ADAMTS17: variants seen among roughly 807,000 people sequenced by gnomAD.
ADAMTS17 encodes ADAM metallopeptidase with thrombospondin type 1 motif 17.
In ADAMTS17, 113 loss-of-function variants were observed where a neutral mutation model predicts 141.5. The observed-to-expected ratio is 0.80, with a 90% CI of 0.69 to 0.93. ADAMTS17 has a LOEUF of 0.93. Ranked by LOEUF, ADAMTS17 falls within the 40% of genes least tolerant of loss-of-function variation. The pLI, the probability that ADAMTS17 is intolerant of heterozygous loss-of-function variation, is 0.00. For synonymous variants in ADAMTS17, 768 were observed against 630.6 expected, an observed-to-expected ratio of 1.22 and a Z score of -3.27; for missense variants, 1,659 against 1,517.9, an observed-to-expected ratio of 1.09 and a Z score of -1.54.
chr15:100,166,759 T>A (rs2039967086), intron 8 of ADAMTS17, among the ~76,000 whole-genome samples: 1 of 152,322 alleles, frequency 6.6e-6, no homozygotes, highest in South Asian at 2.1e-4. Flanking sequence ...TAGAAGGGAA[T>A]AACTTCATGA....
chr15:100,116,734 T>G, intron 13 of ADAMTS17, 113 bp downstream of exon 13: 1 of 1,435,332 alleles, frequency 7.0e-7, no homozygotes, highest in Non-Finnish European at 9.7e-7. Context: ...AGGACTGGAG[T>G]GTCTTGCTGG....
chr15:100,318,463 A>G (rs1167371876), intron 3 of ADAMTS17, among the ~76,000 whole-genome samples: 1 of 152,142 alleles, frequency 6.6e-6, no homozygotes, highest in Non-Finnish European at 1.5e-5. Flanking sequence ...CCAGAGAGCC[A>G]GCTAGCCCCT....
At chr15:100,171,734 A>G (rs1170947348) in intron 8 of ADAMTS17, among the ~76,000 whole-genome samples, 1 of 152,200 alleles carries the variant, frequency 6.6e-6, no homozygotes, top group African/African-American at 2.4e-5. Flanking sequence ...TCAATGGCCC[A>G]GAACCTCCCG....
chr15:100,133,176 G>T, intron 11 of ADAMTS17, 38 bp downstream of exon 11: 1 of 1,536,300 alleles, frequency 6.5e-7, no homozygotes. Flanking sequence ...GCAAGATGTG[G>T]AGCTGCCTGT....
At chr15:99,986,839 A>ACGATCAG (rs1181383501) in intron 20 of ADAMTS17, among the ~76,000 whole-genome samples, 2 of 152,168 alleles carry the variant, frequency 1.3e-5, no homozygotes, top group African/African-American at 4.8e-5. Context: ...GGTGAAAACA[A>ACGATCAG]CGATCAGCAT....
intron 15 of ADAMTS17, among the ~76,000 whole-genome samples, chr15:100,086,319 C>T (rs1057072556): frequency 5.3e-5 from 8 of 150,948 alleles, no homozygotes; most frequent in African/African-American, 7.4e-5. Context: ...TATATGCACC[C>T]AATACAGGAG....
rs78272681 is a variant in ADAMTS17 at position 100,218,786 on chromosome 15, A to T, written c.1076-19363T>A. On this transcript the variant is annotated intron_variant, in intron 7 of 21. Coordinates refer to ENST00000268070, the MANE Select transcript of ADAMTS17 (RefSeq NM_139057.4). ...AAAACTCAAACATGAATATTTATGG[A>T]AACATTGTTCACAATATCAAAAAAA... Among the ~76,000 whole-genome samples the T allele has an allele frequency of 1.6e-3, 250 of 151,998 alleles. 2 individuals are homozygous for T. In the East Asian group the frequency reaches 0.043, roughly 26 times the overall value.
chr15:100,152,853 T>C lies in ADAMTS17; in HGVS notation c.1323-91A>G, dbSNP rs1010980787. 191 of 1,507,110 alleles carry C rather than the reference T, an allele frequency of 1.3e-4. 1 individual carries two copies. The highest frequency in any genetic ancestry group is 1.6e-4 in the Non-Finnish European group (182 of 1,118,400). The allele number at this position is 1,507,110 out of a possible 1,614,324, so 93.4% of individuals were successfully genotyped here. ...TTTTTTTTTTTGAGTTTTCAGTCAC[T>C]GAGAAGAGGGCACCTCCACGTTCCT... On this transcript the variant is annotated intron_variant, in intron 9 of 21. Coordinates refer to ENST00000268070, the MANE Select transcript of ADAMTS17 (RefSeq NM_139057.4).
At chr15:100,070,858 C>G (rs1370108847) in intron 15 of ADAMTS17, among the ~76,000 whole-genome samples, 1 of 149,556 alleles carries the variant, frequency 6.7e-6, no homozygotes, top group Non-Finnish European at 1.5e-5. Flanking sequence ...CAAACACATT[C>G]AAAAGCTAGC....
At position 99,992,928 on chromosome 15, in the gene ADAMTS17, A is replaced by G; in HGVS notation, c.2949+120T>C. On this transcript the variant is annotated intron_variant, in intron 20 of 21. Coordinates refer to ENST00000268070, the MANE Select transcript of ADAMTS17 (RefSeq NM_139057.4). ...GTTGCAGCGGGTGGAAGGAAAATGA[A>G]TTTGCCTAGTTACGCTGGGACTGCC... 3.9e-6 allele frequency: 5 copies of G among 1,286,796 alleles called. No individual in the cohort carries two copies. In the South Asian group the frequency reaches 5.0e-5, roughly 13 times the overall value. 79.7% of individuals were successfully genotyped at this position (1,286,796 alleles called of 1,614,324 possible).
At chr15:100,154,987 C>A (rs556299262) in intron 9 of ADAMTS17, among the ~76,000 whole-genome samples, 193 bp downstream of exon 9, 3 of 152,226 alleles carry the variant, frequency 2.0e-5, no homozygotes, top group Non-Finnish European at 4.4e-5. Context: ...GTGCGCCCAT[C>A]GCTGGAGCAG....
intron 3 of ADAMTS17, among the ~76,000 whole-genome samples, chr15:100,294,759 A>G (rs2044752817): frequency 1.3e-5 from 2 of 152,228 alleles, no homozygotes; most frequent in South Asian, 4.1e-4. Context: ...ACATCTCAAC[A>G]TTCCAGGGGG....
chr15:100,072,910 A>T (rs2034083734), intron 15 of ADAMTS17, among the ~76,000 whole-genome samples: 1 of 152,214 alleles, frequency 6.6e-6, no homozygotes, highest in Non-Finnish European at 1.5e-5. Context: ...GACAAATGGG[A>T]CAAAATTGAC....
intron 14 of ADAMTS17, among the ~76,000 whole-genome samples, chr15:100,108,581 C>G (rs1243116087): frequency 6.6e-6 from 1 of 152,200 alleles, no homozygotes; most frequent in Admixed American, 6.5e-5. Flanking sequence ...TCCCTGACAG[C>G]TGGGCGCACC....
intron 18 of ADAMTS17, among the ~76,000 whole-genome samples, chr15:100,031,081 T>A (rs905392097): frequency 6.6e-6 from 1 of 152,230 alleles, no homozygotes; most frequent in Non-Finnish European, 1.5e-5. Flanking sequence ...CTATGACAGA[T>A]GTTCTCATTT....
At chr15:100,080,390 T>C (rs1350333127) in intron 15 of ADAMTS17, among the ~76,000 whole-genome samples, 1 of 150,866 alleles carries the variant, frequency 6.6e-6, no homozygotes, top group African/African-American at 2.5e-5. Flanking sequence ...ACAAAGGAGG[T>C]AAGGAAGAGT....
chr15:100,331,781 G>A (rs1049666774), intron 2 of ADAMTS17, among the ~76,000 whole-genome samples: 2 of 152,068 alleles, frequency 1.3e-5, no homozygotes, highest in African/African-American at 4.8e-5. Flanking sequence ...CAAAAGCCAT[G>A]ACACACTACA....
At chr15:100,152,566 C>T (rs1248501722) in intron 10 of ADAMTS17, 46 bp downstream of exon 10, 5 of 1,607,302 alleles carry the variant, frequency 3.1e-6, no homozygotes, top group Non-Finnish European at 3.4e-6. Context: ...TGTGGGAGGG[C>T]TGGATCCATG....
chr15:100,079,766 T>A (rs145707580), intron 15 of ADAMTS17, among the ~76,000 whole-genome samples: 33 of 152,272 alleles, frequency 2.2e-4, no homozygotes, highest in African/African-American at 7.5e-4. Flanking sequence ...AAGACTACCA[T>A]CCGTGGAGTC....
Sources: gnomAD v4.1 joint callset for allele counts (sites outside exome capture counted in the v4.1 genomes callset) on GRCh38, gnomAD v4.1.1 for gene constraint, MANE v1.5 for transcripts, NCBI Gene and HGNC (gene_info 2026-07-23, HGNC 2026-07-21) for gene names.